The following INTS7 variants were observed in gnomAD, a reference collection of about 807,000 sequenced individuals.
INTS7 encodes the protein chromosome 1 open reading frame 73.
In INTS7, 46 loss-of-function variants were observed where a neutral mutation model predicts 109.2. The ratio of observed to expected loss-of-function variants is 0.42; its 90% CI spans 0.33 to 0.54. INTS7 has a LOEUF of 0.54. Ranked by LOEUF, INTS7 falls within the 20% of genes least tolerant of loss-of-function variation. INTS7 has a pLI of 0.07. For synonymous variants in INTS7, 412 were observed against 402.9 expected, an observed-to-expected ratio of 1.02 and a Z score of -0.27; for missense variants, 929 against 1,132.4, an observed-to-expected ratio of 0.82 and a Z score of 2.58.
At position 212,016,874 on chromosome 1, in the gene INTS7, T is replaced by C. The variant is rs572314252; in HGVS notation, c.509+12A>G. The C allele has an allele frequency of 8.2e-6, 13 of 1,586,294 alleles. No homozygotes were observed. Among genetic ancestry groups the C allele is most frequent in the South Asian group, 7.1e-5 (6 of 84,630 alleles). On this transcript the variant is annotated intron_variant, in intron 4 of 19. Transcript: ENST00000366994. ...CCAAATTACTAAAAGGGATGTACTT[T>C]TGTAAGCTTACTTTGACTGTGCAGA...
chr1:211,976,695 C>T lies in INTS7; in HGVS notation c.1495G>A (p.Val499Ile). 2 of 1,613,932 alleles carry T rather than the reference C, an allele frequency of 1.2e-6. No homozygotes were observed. The highest frequency in any genetic ancestry group is 2.2e-5 in the East Asian group (1 of 44,864). Residue 499 changes from valine (V) to isoleucine (I), a missense_variant, in exon 12 of 20, where the codon GTT becomes ATT. This residue lies in a region of INTS7 where 787 missense variants were observed against 901.1 expected (regional missense o/e 0.87). Coordinates refer to ENST00000366994, the MANE Select transcript of INTS7 (RefSeq NM_015434.4). Reference sequence around the variant, plus strand: ...ACAGACAATGCCTTCTGACTTGCAACAAAAATCACAGTAGCCAAACTCACC... The same window carrying T: ...ACAGACAATGCCTTCTGACTTGCAATAAAAATCACAGTAGCCAAACTCACC... ...LLVSLATVIF[V>I]ASQKALSVES...
chr1:211,981,705 A>C (rs565898451), intron 9 of INTS7, among the ~76,000 whole-genome samples: 1 of 152,304 alleles, frequency 6.6e-6, no homozygotes, highest in South Asian at 2.1e-4. Flanking sequence ...TAGATGTCTC[A>C]TGAAATAGCA....
intron 13 of INTS7, among the ~76,000 whole-genome samples, chr1:211,969,722 A>ATTT (rs762057924): frequency 7.1e-6 from 1 of 140,996 alleles, no homozygotes. Context: ...TGCCTGGCTA[A>ATTT]TTTTTTTTTT....
chr1:211,953,630 T>C (rs1369706775), intron 16 of INTS7, among the ~76,000 whole-genome samples: 1 of 147,382 alleles, frequency 6.8e-6, no homozygotes, highest in Non-Finnish European at 1.5e-5. Flanking sequence ...AACTCCCACC[T>C]ATGAGTGAGA....
At chr1:211,995,311 T>A (rs1445544989) in intron 7 of INTS7, among the ~76,000 whole-genome samples, 2 of 152,180 alleles carry the variant, frequency 1.3e-5, no homozygotes, top group African/African-American at 4.8e-5. Context: ...TACCAATAAA[T>A]GTAAACAACT....
chr1:212,011,500 A>C, intron 4 of INTS7, 79 bp from the exon 5 acceptor site: 1 of 886,958 alleles, frequency 1.1e-6, no homozygotes, highest in Non-Finnish European at 1.8e-6. Flanking sequence ...AATAAAACAC[A>C]ATTAGCGCAG....
intron 10 of INTS7, 119 bp downstream of exon 10, chr1:211,980,974 A>T: frequency 1.8e-6 from 1 of 554,746 alleles, no homozygotes; most frequent in Non-Finnish European, 3.2e-6. Context: ...TATCAGTTAG[A>T]TTTAATCACT....
intron 17 of INTS7, among the ~76,000 whole-genome samples, chr1:211,950,148 T>C (rs1663022011): frequency 6.6e-6 from 1 of 152,246 alleles, no homozygotes; most frequent in African/African-American, 2.4e-5. Flanking sequence ...GAAGATCCTG[T>C]GTCTTTGTCA....
intron 19 of INTS7, among the ~76,000 whole-genome samples, 192 bp downstream of exon 19, chr1:211,944,592 C>T (rs1215473022): frequency 6.6e-6 from 1 of 152,216 alleles, no homozygotes; most frequent in Non-Finnish European, 1.5e-5. Flanking sequence ...TTGTCTCTAT[C>T]AACTGGTTCA....
At chr1:211,950,000 A>C (rs1024486013) in intron 17 of INTS7, among the ~76,000 whole-genome samples, 5 of 151,982 alleles carry the variant, frequency 3.3e-5, no homozygotes, top group Non-Finnish European at 4.4e-5. Context: ...CCACCAATCC[A>C]TTTTCCCTAT....
In INTS7 at chr1:211,941,935, T is replaced by A; in HGVS notation, c.2778A>T (p.Ile926=). The A allele has an allele frequency of 6.2e-7, 1 of 1,614,234 alleles. No homozygotes were observed. Among genetic ancestry groups the A allele is most frequent in the South Asian group, 1.1e-5 (1 of 91,088 alleles). ...IVWKTGPRTT[I]FVKSLEDPYS... The stretch of plus-strand genomic sequence containing the variant: ...AAGGGTCTTCCAGGGATTTTACAAA[T>A]ATGGTAGTTCTGGGACCAGTCTTCC... The change falls in exon 20 of 20, where the codon ATA becomes ATT. Residue 926 remains isoleucine, a synonymous_variant. Coordinates refer to ENST00000366994, the MANE Select transcript of INTS7 (RefSeq NM_015434.4).
In INTS7 at chr1:211,976,690, T is replaced by G. The variant is rs775436489; in HGVS notation, c.1500A>C (p.Ala500=). The change falls in exon 12 of 20, where the codon GCA becomes GCC. Residue 500 remains alanine (A), a synonymous_variant. Coordinates refer to ENST00000366994, the MANE Select transcript of INTS7 (RefSeq NM_015434.4). ...LVSLATVIFV[A]SQKALSVESK... ...TTTCCACAGACAATGCCTTCTGACTTGCAACAAAAATCACAGTAGCCAAAC... is the reference window on the plus strand; with the variant it reads ...TTTCCACAGACAATGCCTTCTGACTGGCAACAAAAATCACAGTAGCCAAAC... 1.9e-6 allele frequency: 3 copies of G among 1,614,002 alleles called. No individual in the cohort carries two copies. The South Asian group carries it at 3.3e-5, about 18-fold the overall frequency.
Position 212,016,933 on chromosome 1 carries a change from T to C in INTS7, c.462A>G (p.Glu154=), listed in dbSNP as rs1367441652. The C allele has an allele frequency of 6.2e-7, 1 of 1,608,176 alleles. No homozygotes were observed. The highest frequency in any genetic ancestry group is 2.3e-5 in the East Asian group (1 of 44,366). ...RQSLDSHDNV[E]VEAAVFAAAN... is the part of the protein sequence containing the mutation. ...CAGCAGCAAAAACAGCAGCTTCAAC[T>C]TCTACATTATCATGTGAATCTAAAC... is the stretch of plus-strand genomic sequence containing the variant. The change falls in exon 4 of 20, where the codon GAA becomes GAG. Residue 154 remains glutamate (E), a synonymous_variant. Coordinates refer to ENST00000366994, the MANE Select transcript of INTS7 (RefSeq NM_015434.4).
intron 11 of INTS7, among the ~76,000 whole-genome samples, chr1:211,977,946 A>G (rs1316820): frequency 0.55 from 83,099 of 152,068 alleles, 23,032 homozygotes; most frequent in Middle Eastern, 0.6. Flanking sequence ...AAAGATAAAA[A>G]TTTCATTTTC....
intron 1 of INTS7, among the ~76,000 whole-genome samples, chr1:212,025,223 C>T (rs1666865647): frequency 6.6e-6 from 1 of 152,066 alleles, no homozygotes; most frequent in African/African-American, 2.4e-5. Flanking sequence ...AGAAGCCAGA[C>T]CTGAAGGACT....
intron 16 of INTS7, among the ~76,000 whole-genome samples, chr1:211,960,921 A>C (rs972317366): frequency 1.3e-5 from 2 of 152,162 alleles, no homozygotes; most frequent in African/African-American, 2.4e-5. Flanking sequence ...AGGCTGAGGC[A>C]GGAGAATCAC....
chr1:211,942,204 CA>C lies in INTS7; in HGVS notation c.2602-94del, dbSNP rs1268118662. ...CCCTGTTCTAAGAGCTTATTTAGAC[CA>C]TGCAGACAATAAAAAATTAGGTACT... is the stretch of plus-strand genomic sequence containing the variant. On this transcript the variant is annotated intron_variant, in intron 19 of 19. Coordinates refer to ENST00000366994, the MANE Select transcript of INTS7 (RefSeq NM_015434.4). This position sits in a 1 kb window ranked among gnomAD's most constrained non-coding sequence, Gnocchi z 4.2. 5.9e-6 allele frequency: 8 copies of C among 1,348,726 alleles called. No homozygotes were observed. Among genetic ancestry groups the C allele is most frequent in the Non-Finnish European group, 8.2e-6 (8 of 979,352 alleles). The allele number at this position is 1,348,726 out of a possible 1,614,324, so 83.5% of individuals were successfully genotyped here.
At chr1:211,997,584 AC>A in intron 7 of INTS7, among the ~76,000 whole-genome samples, 1 of 151,810 alleles carries the variant, frequency 6.6e-6, no homozygotes, top group Non-Finnish European at 1.5e-5. Context: ...GATCAAAAAA[AC>A]ACAATACTAT....
In INTS7 at chr1:212,006,745, T is replaced by C; in HGVS notation, c.773A>G (p.Gln258Arg). The C allele has an allele frequency of 1.2e-6, 2 of 1,603,864 alleles. No homozygotes were observed. Among genetic ancestry groups the C allele is most frequent in the South Asian group, 1.1e-5 (1 of 89,356 alleles). ...DTPKQIQLLL[Q>R]YLKNDPRKAV... ...CTTCCTGGGATCATTCTTCAAATAC[T>C]GCAACAGAAGCTGAATCTATAAAGG... The change falls in exon 7 of 20, where the codon CAG becomes CGG. Residue 258 changes from glutamine to arginine, a missense_variant. Coordinates refer to ENST00000366994, the MANE Select transcript of INTS7 (RefSeq NM_015434.4).
Sources: gnomAD v4.1 joint callset for allele counts (sites outside exome capture counted in the v4.1 genomes callset) on GRCh38, gnomAD v4.1.1 for gene constraint, gnomAD v4.1.1 regional missense constraint, Gnocchi (gnomAD v3.1) non-coding constraint, MANE v1.5 for transcripts, NCBI Gene and HGNC (gene_info 2026-07-23, HGNC 2026-07-21) for gene names.